ZNF804B: variants seen among roughly 807,000 people sequenced by gnomAD.
ZNF804B encodes zinc finger protein 804B.
Under a neutral mutation model 101.4 loss-of-function variants are expected in ZNF804B, and 80 were observed. That is an observed-to-expected ratio of 0.79 (90% CI 0.66 to 0.95). The LOEUF (loss-of-function observed/expected upper bound fraction) is 0.95. Ranked by LOEUF, ZNF804B falls within the 40% of genes least tolerant of loss-of-function variation. The pLI is 0.00. For missense variants in ZNF804B, 1,673 were observed against 1,561.9 expected (o/e 1.07, Z -1.20); for synonymous variants, 622 against 558.8 (o/e 1.11, Z -1.59).
chr7:88,990,115 T>C (rs1040398611), intron 1 of ZNF804B, among the ~76,000 whole-genome samples: 1 of 151,906 alleles, frequency 6.6e-6, no homozygotes, highest in Non-Finnish European at 1.5e-5. Flanking sequence ...ATTAGGATGA[T>C]ACTATGTATA....
At chr7:88,771,784 C>T (rs1790069602) in intron 1 of ZNF804B, among the ~76,000 whole-genome samples, 1 of 152,044 alleles carries the variant, frequency 6.6e-6, no homozygotes, top group African/African-American at 2.4e-5. Flanking sequence ...ATCTGATCAT[C>T]ATGTAGATTT....
At chr7:89,140,115 C>A (rs977204825) in intron 1 of ZNF804B, among the ~76,000 whole-genome samples, 10 of 151,920 alleles carry the variant, frequency 6.6e-5, no homozygotes, top group African/African-American at 2.4e-4. Context: ...ACAGGATGAC[C>A]AAATATGCTG....
intron 1 of ZNF804B, among the ~76,000 whole-genome samples, chr7:89,196,797 AATGGGCAAAGGAC>A (rs1309611115): frequency 3.3e-5 from 5 of 152,170 alleles, no homozygotes; most frequent in Non-Finnish European, 7.3e-5. Flanking sequence ...CCTATTAAAA[AATGGGCAAAGGAC>A]ATGAATAGAC....
At chr7:89,038,360 C>T (rs979147766) in intron 1 of ZNF804B, among the ~76,000 whole-genome samples, 11 of 152,078 alleles carry the variant, frequency 7.2e-5, no homozygotes, top group African/African-American at 4.8e-5. Flanking sequence ...AACATCAAAA[C>T]GAGTGTGAGG....
intron 1 of ZNF804B, among the ~76,000 whole-genome samples, chr7:88,802,211 T>C (rs1458901269): frequency 6.6e-6 from 1 of 152,134 alleles, no homozygotes; most frequent in African/African-American, 2.4e-5. Flanking sequence ...GTGAGTCAAT[T>C]AAACATCTTT....
chr7:89,089,593 A>C (rs1173547732), intron 1 of ZNF804B, among the ~76,000 whole-genome samples: 2 of 152,094 alleles, frequency 1.3e-5, no homozygotes, highest in Admixed American at 6.6e-5. Flanking sequence ...ACAAATGCAC[A>C]CACATACCCA....
chr7:88,828,389 T>A (rs910732514), intron 1 of ZNF804B, among the ~76,000 whole-genome samples: 1 of 152,104 alleles, frequency 6.6e-6, no homozygotes, highest in Admixed American at 6.6e-5. Flanking sequence ...TATTTTTTTT[T>A]CCTTCAGTTT....
chr7:89,157,001 C>G (rs1369470209), intron 1 of ZNF804B, among the ~76,000 whole-genome samples: 2 of 152,156 alleles, frequency 1.3e-5, no homozygotes, highest in East Asian at 1.9e-4. Context: ...TTCCAACACA[C>G]CTGCCACTTG....
chr7:88,933,076 A>G (rs1247870461), intron 1 of ZNF804B, among the ~76,000 whole-genome samples: 6 of 151,916 alleles, frequency 3.9e-5, no homozygotes, highest in Admixed American at 3.9e-4. Flanking sequence ...ATCCAACAGA[A>G]TATCAAAAAT....
intron 1 of ZNF804B, among the ~76,000 whole-genome samples, chr7:89,174,625 G>C (rs1791290758): frequency 6.6e-6 from 1 of 151,952 alleles, no homozygotes; most frequent in Non-Finnish European, 1.5e-5. Flanking sequence ...AAGTTAGATT[G>C]CTGGATCTTA....
intron 1 of ZNF804B, among the ~76,000 whole-genome samples, chr7:89,135,936 T>G: frequency 6.6e-6 from 1 of 152,206 alleles, no homozygotes; most frequent in South Asian, 2.1e-4. Flanking sequence ...GGCTTAATAT[T>G]CTTTATTGAT....
intron 1 of ZNF804B, among the ~76,000 whole-genome samples, chr7:88,770,206 A>G (rs1790042284): frequency 6.6e-6 from 1 of 152,160 alleles, no homozygotes; most frequent in African/African-American, 2.4e-5. Context: ...CAAAACCTAC[A>G]AATCCAATAT....
At chr7:89,006,656 A>G (rs1304455277) in intron 1 of ZNF804B, among the ~76,000 whole-genome samples, 1 of 152,110 alleles carries the variant, frequency 6.6e-6, no homozygotes, top group Admixed American at 6.6e-5. Flanking sequence ...GCTACTTTCA[A>G]TGTCAGTACA....
chr7:88,812,236 A>G (rs1346575402), intron 1 of ZNF804B, among the ~76,000 whole-genome samples: 4 of 152,202 alleles, frequency 2.6e-5, no homozygotes, highest in Admixed American at 2.6e-4. Context: ...ATTGACCTTT[A>G]TCCAGTCCAA....
chr7:88,809,802 C>A (rs974743338), intron 1 of ZNF804B, among the ~76,000 whole-genome samples: 2 of 152,102 alleles, frequency 1.3e-5, no homozygotes, highest in Non-Finnish European at 2.9e-5. Context: ...GTGCTTCCTG[C>A]CCCAAATGTT....
chr7:88,774,074 A>T (rs1481287484), intron 1 of ZNF804B, among the ~76,000 whole-genome samples: 1 of 152,108 alleles, frequency 6.6e-6, no homozygotes, highest in Non-Finnish European at 1.5e-5. Flanking sequence ...TGAGATAGTT[A>T]TCTCTGTTGT....
At chr7:88,829,636 AAAG>A (rs2115779333) in intron 1 of ZNF804B, among the ~76,000 whole-genome samples, 1 of 152,246 alleles carries the variant, frequency 6.6e-6, no homozygotes, top group East Asian at 1.9e-4. Flanking sequence ...TAAAGATAAA[AAAG>A]AGAAGAAGTT....
At chr7:88,830,064 G>A (rs1221029746) in intron 1 of ZNF804B, among the ~76,000 whole-genome samples, 2 of 152,040 alleles carry the variant, frequency 1.3e-5, no homozygotes, top group South Asian at 2.1e-4. Flanking sequence ...GTGTGGCCCT[G>A]GCAGGATTTG....
At chr7:89,093,527 A>C (rs1246914085) in intron 1 of ZNF804B, among the ~76,000 whole-genome samples, 1 of 152,240 alleles carries the variant, frequency 6.6e-6, no homozygotes, top group Non-Finnish European at 1.5e-5. Context: ...AACAAATGTA[A>C]AGTTTCATGA....
Sources: gnomAD v4.1 joint callset for allele counts (sites outside exome capture counted in the v4.1 genomes callset) on GRCh38, gnomAD v4.1.1 for gene constraint, MANE v1.5 for transcripts, NCBI Gene and HGNC (gene_info 2026-07-23, HGNC 2026-07-21) for gene names.